The following TMEM167A variants were observed in gnomAD, a reference collection of about 807,000 sequenced individuals.
TMEM167A encodes transmembrane protein 167A, also known as protein kish-A.
A neutral mutation model predicts 11.6 loss-of-function variants in TMEM167A; 8 were observed. That is an observed-to-expected ratio of 0.69 (90% CI 0.40 to 1.24). TMEM167A has a LOEUF of 1.24. TMEM167A is among the 50% of genes most tolerant of loss of function. TMEM167A has a pLI of 0.01. For synonymous variants in TMEM167A, 22 were observed against 28.0 expected (o/e 0.79, Z 0.67); for missense variants, 62 against 87.0 (o/e 0.71, Z 1.14).
chr5:83,058,577 A>C (rs1451617727), intron 3 of TMEM167A, among the ~76,000 whole-genome samples: 1 of 152,134 alleles, frequency 6.6e-6, no homozygotes, highest in Non-Finnish European at 1.5e-5. Flanking sequence ...AATAAATTTC[A>C]GAAAGACTTC....
At position 83,065,134 on chromosome 5, in the gene TMEM167A, AAAAG is replaced by A. The variant is rs758347890; in HGVS notation, c.4-21_4-18del. On this transcript the variant is annotated intron_variant, in intron 1 of 3. Coordinates refer to ENST00000502346, the MANE Select transcript of TMEM167A (RefSeq NM_174909.5). ...AATGGCAGACTAAAAAGAAAAAAAA[AAAAG>A]AAAAATTAATATCAAGAAAAACTGC... is the stretch of plus-strand genomic sequence containing the variant. The A allele has an allele frequency of 1.3e-5, 19 of 1,495,534 alleles. No individual in the cohort carries two copies. The East Asian group carries it at 4.3e-4, about 34-fold the overall frequency. 92.6% of individuals were successfully genotyped at this position (1,495,534 alleles called of 1,614,324 possible).
intron 3 of TMEM167A, among the ~76,000 whole-genome samples, chr5:83,059,022 A>G (rs1335028049): frequency 2.0e-5 from 3 of 152,122 alleles, no homozygotes; most frequent in East Asian, 3.8e-4. Context: ...AAAGCAGCAT[A>G]TCAGCAACAT....
chr5:83,073,305 T>C (rs1046553538), intron 1 of TMEM167A, among the ~76,000 whole-genome samples: 3 of 152,154 alleles, frequency 2.0e-5, no homozygotes, highest in African/African-American at 7.2e-5. Context: ...CTTAACGTCA[T>C]CCACAGGTCC....
chr5:83,061,931 A>G lies in TMEM167A; in HGVS notation c.114-20T>C, dbSNP rs1336246165. On this transcript the variant is annotated intron_variant, in intron 2 of 3. Transcript: ENST00000502346. ...AACAATCTGCATAGAATAAAAAAAG[A>G]AAAAAAGTAGCTATTGATTACTCGG... The G allele has an allele frequency of 5.0e-6, 8 of 1,603,868 alleles. No individual in the cohort carries two copies. The highest frequency in any genetic ancestry group is 1.7e-4 in the Middle Eastern group (1 of 6,034).
intron 3 of TMEM167A, among the ~76,000 whole-genome samples, chr5:83,060,281 T>C (rs949164179): frequency 6.6e-6 from 1 of 151,892 alleles, no homozygotes; most frequent in Non-Finnish European, 1.5e-5. Flanking sequence ...TGGCTAACAA[T>C]AAATGTCAAA....
intron 1 of TMEM167A, among the ~76,000 whole-genome samples, chr5:83,073,573 G>C (rs1394005809): frequency 1.3e-5 from 2 of 152,198 alleles, no homozygotes; most frequent in Non-Finnish European, 2.9e-5. Context: ...ACGGTGCCGG[G>C]AGCCATCCCA....
intron 3 of TMEM167A, among the ~76,000 whole-genome samples, chr5:83,058,795 G>C (rs1744368186): frequency 6.6e-6 from 1 of 152,040 alleles, no homozygotes; most frequent in East Asian, 1.9e-4. Flanking sequence ...TCTTAAAAGA[G>C]ACTGCCATGT....
chr5:83,063,934 T>C (rs567822215), intron 2 of TMEM167A, among the ~76,000 whole-genome samples: 1 of 152,166 alleles, frequency 6.6e-6, no homozygotes, highest in South Asian at 2.1e-4. Flanking sequence ...ACTTGCTTTA[T>C]CCAATCTGTC....
intron 2 of TMEM167A, among the ~76,000 whole-genome samples, chr5:83,062,727 A>C (rs1463641302): frequency 6.6e-6 from 1 of 152,088 alleles, no homozygotes; most frequent in Non-Finnish European, 1.5e-5. Flanking sequence ...GACAAAGTAA[A>C]AGAATTATAA....
chr5:83,071,270 T>C (rs1329343874), intron 1 of TMEM167A: 3 of 152,188 alleles, frequency 2.0e-5, no homozygotes, highest in Non-Finnish European at 4.4e-5. Context: ...TTTACTGACA[T>C]ACTAATTCCT....
At chr5:83,067,711 C>T (rs947864030) in intron 1 of TMEM167A, among the ~76,000 whole-genome samples, 1 of 151,706 alleles carries the variant, frequency 6.6e-6, no homozygotes, top group African/African-American at 2.4e-5. Context: ...CAGGGTTTCG[C>T]TGTGTTGGCC....
chr5:83,064,776 C>G (rs1744458227), intron 2 of TMEM167A, among the ~76,000 whole-genome samples: 1 of 152,044 alleles, frequency 6.6e-6, no homozygotes, highest in Non-Finnish European at 1.5e-5. Context: ...TTAAATCCCT[C>G]ATGCGATTTT....
rs1247915230 is a variant in TMEM167A at position 83,057,118 on chromosome 5, A to C, written c.185T>G (p.Ile62Arg). 1.2e-6 allele frequency: 2 copies of C among 1,612,336 alleles called. No individual in the cohort carries two copies. Among genetic ancestry groups the C allele is most frequent in the Non-Finnish European group, 1.7e-6 (2 of 1,179,018 alleles). ...GAAGAGGATGCTGAAGGCCATTACTATACAGCATACTGCAACATAAGGACT... is the reference window on the plus strand; with the variant it reads ...GAAGAGGATGCTGAAGGCCATTACTCTACAGCATACTGCAACATAAGGACT... Reference protein sequence around the residue: ...RKSPYVAVCCIVMAFSILFIQ With the variant: ...RKSPYVAVCCRVMAFSILFIQ The change falls in exon 4 of 4, where the codon ATA becomes AGA. Residue 62 changes from isoleucine (I) to arginine (R), a missense_variant. Transcript: ENST00000502346.
intron 2 of TMEM167A, 25 bp downstream of exon 2, chr5:83,064,983 T>C (rs1744461121): frequency 2.3e-6 from 3 of 1,326,432 alleles, no homozygotes; most frequent in Non-Finnish European, 3.2e-6. Flanking sequence ...CTAATTTGGG[T>C]GATTAGACAT....
intron 1 of TMEM167A, among the ~76,000 whole-genome samples, chr5:83,076,269 G>A (rs768860534): frequency 2.0e-5 from 3 of 152,188 alleles, no homozygotes; most frequent in Non-Finnish European, 2.9e-5. Flanking sequence ...TGGTACATAG[G>A]ACGTGATAAT....
rs533062695 is a variant in TMEM167A at position 83,065,020 on chromosome 5, C to T, written c.101G>A (p.Arg34Lys). 82 of 1,601,372 alleles carry T rather than the reference C, an allele frequency of 5.1e-5. No individual in the cohort carries two copies. The South Asian group carries it at 7.3e-4, about 14-fold the overall frequency. ...ATTAGTAACATACCCAGTTTTATTT[C>T]TGTCCAGGAGGCTGGGTGCCAAGGA... Reference protein sequence around the residue: ...IRSLAPSLLDRNKTGLLGIFW... With the variant: ...IRSLAPSLLDKNKTGLLGIFW... The change falls in exon 2 of 4, where the codon AGA (arginine) becomes AAA (lysine). Residue 34 changes from arginine (R) to lysine (K), a missense_variant. Arg to Lys is a conservative substitution (Grantham distance 26). Coordinates refer to ENST00000502346, the MANE Select transcript of TMEM167A (RefSeq NM_174909.5).
intron 2 of TMEM167A, among the ~76,000 whole-genome samples, chr5:83,062,604 T>C (rs953930009): frequency 3.9e-5 from 6 of 152,016 alleles, no homozygotes; most frequent in South Asian, 2.1e-4. Flanking sequence ...ACATATTATA[T>C]GGAGTAATCA....
intron 1 of TMEM167A, among the ~76,000 whole-genome samples, chr5:83,066,538 A>G (rs780398693): frequency 1.3e-4 from 20 of 152,240 alleles, no homozygotes; most frequent in Non-Finnish European, 1.2e-4. Context: ...ACGAACAGCT[A>G]AAATATCTAG....
intron 1 of TMEM167A, among the ~76,000 whole-genome samples, chr5:83,071,692 AAACTT>A: frequency 6.6e-6 from 1 of 152,328 alleles, no homozygotes; most frequent in East Asian, 1.9e-4. Context: ...GTATAAATTT[AAACTT>A]TGTTGCTTAT....
Sources: gnomAD v4.1 joint callset for allele counts (sites outside exome capture counted in the v4.1 genomes callset) on GRCh38, gnomAD v4.1.1 for gene constraint, MANE v1.5 for transcripts, NCBI Gene and HGNC (gene_info 2026-07-23, HGNC 2026-07-21) for gene names.